RGS7: variants seen among roughly 807,000 people sequenced by gnomAD.
RGS7 encodes the protein regulator of G-protein signaling 7.
A neutral mutation model predicts 81.1 loss-of-function variants in RGS7; 27 were observed. That is an observed-to-expected ratio of 0.33 (90% confidence interval 0.25 to 0.46). The LOEUF is 0.46. RGS7 is among the 20% of genes least tolerant of loss of function. The pLI is 1.00. For synonymous variants in RGS7, 208 were observed against 207.7 expected (o/e 1.00, Z -0.01); for missense variants, 396 against 607.4 (o/e 0.65, Z 3.66).
chr1:240,932,670 A>G lies in RGS7; in HGVS notation c.334-1902T>C, dbSNP rs190352783. Among the ~76,000 whole-genome samples, 790 of 146,604 alleles carry G rather than the reference A, an allele frequency of 5.4e-3. 7 individuals carry two copies. The highest frequency in any genetic ancestry group is 0.018 in the African/African-American group (730 of 39,932). Reference sequence around the variant, plus strand: ...ACTACAGGTGCCCGCCACCACGCCCAGCTGAGTTTTTGTATTTTTAGTAGA... The same window carrying G: ...ACTACAGGTGCCCGCCACCACGCCCGGCTGAGTTTTTGTATTTTTAGTAGA... On this transcript the variant is annotated intron_variant, in intron 5 of 18. Coordinates refer to ENST00000440928, the MANE Select transcript of RGS7 (RefSeq NM_001364886.1).
intron 2 of RGS7, among the ~76,000 whole-genome samples, chr1:241,133,679 G>T (rs1264005369): frequency 6.6e-6 from 1 of 152,128 alleles, no homozygotes; most frequent in African/African-American, 2.4e-5. Flanking sequence ...TACTGAAAGG[G>T]TTTAGAAACA....
chr1:240,961,487 T>A (rs1572011709), intron 4 of RGS7, among the ~76,000 whole-genome samples: 1 of 152,230 alleles, frequency 6.6e-6, no homozygotes. Context: ...AATATGTGCA[T>A]GTTTATTTTC....
chr1:241,165,482 G>A (rs2070120996), intron 2 of RGS7, among the ~76,000 whole-genome samples: 1 of 151,952 alleles, frequency 6.6e-6, no homozygotes, highest in Non-Finnish European at 1.5e-5. Context: ...CCTTTGTAGG[G>A]ACATGGATGA....
At position 240,867,637 on chromosome 1, in the gene RGS7, T is replaced by C. The variant is rs934886037; in HGVS notation, c.609+950A>G. Among the ~76,000 whole-genome samples, 3 of 152,320 alleles carry C rather than the reference T, an allele frequency of 2.0e-5. No individual in the cohort carries two copies. The East Asian group carries it at 5.8e-4, about 29-fold the overall frequency. On this transcript the variant is annotated intron_variant, in intron 9 of 18. Coordinates refer to ENST00000440928, the MANE Select transcript of RGS7 (RefSeq NM_001364886.1). ...ATGTCATTAAAAGTGTGAGCTGATTTGAATTTGAGCCACAGGAAATGAAAG... is the reference window on the plus strand; with the variant it reads ...ATGTCATTAAAAGTGTGAGCTGATTCGAATTTGAGCCACAGGAAATGAAAG...
intron 3 of RGS7, among the ~76,000 whole-genome samples, chr1:241,022,541 G>A (rs948458808): frequency 3.3e-5 from 5 of 152,062 alleles, no homozygotes; most frequent in African/African-American, 4.8e-5. Context: ...TCTATAAACT[G>A]CCTCATCTGG....
chr1:241,167,302 T>A (rs1044335650), intron 2 of RGS7, among the ~76,000 whole-genome samples: 4 of 152,122 alleles, frequency 2.6e-5, no homozygotes, highest in Non-Finnish European at 5.9e-5. Flanking sequence ...GATTGTTGGA[T>A]TTCCTCCAGT....
rs1017699243 is a variant in RGS7 at position 241,117,603 on chromosome 1, G to C, written c.79-18841C>G. ...GTGGAGGGACTTAAGCAGAACTGCA[G>C]CAATGAGAAAACTCCTGGTTAATTT... is the stretch of plus-strand genomic sequence containing the variant. On this transcript the variant is annotated intron_variant, in intron 2 of 18. Coordinates refer to ENST00000440928, the MANE Select transcript of RGS7 (RefSeq NM_001364886.1). 2.4e-4 allele frequency among the ~76,000 whole-genome samples: 37 copies of C among 152,274 alleles called. 1 individual carries two copies. Among genetic ancestry groups the C allele is most frequent in the South Asian group, 4.1e-4 (2 of 4,826 alleles).
intron 6 of RGS7, among the ~76,000 whole-genome samples, chr1:240,930,222 C>CTTTTTTTT (rs10676730): frequency 3.5e-5 from 4 of 113,872 alleles, no homozygotes; most frequent in African/African-American, 1.0e-4. Flanking sequence ...TCTTTTTTAG[C>CTTTTTTTT]TTTTTTTTTT....
intron 2 of RGS7, among the ~76,000 whole-genome samples, chr1:241,113,464 T>C (rs1188058199): frequency 6.6e-6 from 1 of 152,208 alleles, no homozygotes. Flanking sequence ...GAGGACCCTG[T>C]AGAGCTTTAC....
chr1:241,343,442 T>C (rs550987975), intron 2 of RGS7, among the ~76,000 whole-genome samples: 1 of 152,238 alleles, frequency 6.6e-6, no homozygotes, highest in South Asian at 2.1e-4. Context: ...GTTAAATGAA[T>C]GAATAAACAA....
intron 2 of RGS7, among the ~76,000 whole-genome samples, chr1:241,215,422 C>T (rs1010976125): frequency 2.0e-5 from 3 of 152,196 alleles, no homozygotes; most frequent in Admixed American, 6.5e-5. Context: ...CTCTTTCAGC[C>T]TTCTGACTGT....
intron 3 of RGS7, among the ~76,000 whole-genome samples, chr1:241,040,361 G>A (rs78933878): frequency 0.034 from 5,232 of 152,050 alleles, 83 homozygotes; most frequent in Middle Eastern, 0.044. Context: ...CATAGGCATC[G>A]GGTGTTTAAT....
At chr1:241,188,285 TCACA>T (rs59722851) in intron 2 of RGS7, among the ~76,000 whole-genome samples, 54 of 148,146 alleles carry the variant, frequency 3.6e-4, no homozygotes, top group East Asian at 3.0e-3. Flanking sequence ...TCTTTTATCC[TCACA>T]CACACACACA....
chr1:241,010,299 CCA>C (rs2058894796), intron 3 of RGS7, among the ~76,000 whole-genome samples: 1 of 152,196 alleles, frequency 6.6e-6, no homozygotes, highest in Non-Finnish European at 1.5e-5. Context: ...TGGTACCAGT[CCA>C]CAGTCTGGAT....
At chr1:241,065,187 G>A (rs1164376839) in intron 3 of RGS7, among the ~76,000 whole-genome samples, 1 of 137,342 alleles carries the variant, frequency 7.3e-6, no homozygotes, top group Non-Finnish European at 1.5e-5. Context: ...AAGATAATCA[G>A]ATTAAAAGAT....
At chr1:240,814,854 G>T in intron 11 of RGS7, 77 bp from the exon 12 acceptor site, 5 of 916,560 alleles carry the variant, frequency 5.5e-6, no homozygotes, top group South Asian at 5.2e-5. Flanking sequence ...ATGATCAGCT[G>T]GGCAATTCTG....
chr1:240,975,611 T>A (rs1683951561), intron 4 of RGS7, among the ~76,000 whole-genome samples: 1 of 152,148 alleles, frequency 6.6e-6, no homozygotes, highest in African/African-American at 2.4e-5. Flanking sequence ...ATGAGCAAGG[T>A]CATGTCAAGG....
At chr1:240,916,233 T>C (rs1310720383) in intron 6 of RGS7, among the ~76,000 whole-genome samples, 8 of 144,554 alleles carry the variant, frequency 5.5e-5, no homozygotes, top group Non-Finnish European at 1.2e-4. Flanking sequence ...GCCAAGATCA[T>C]GCCATTGCAC....
chr1:241,347,651 A>T (rs76378473), intron 2 of RGS7, among the ~76,000 whole-genome samples: 13,132 of 152,182 alleles, frequency 0.086, 791 homozygotes, highest in South Asian at 0.24. Context: ...ACATCAGCAA[A>T]TCATCTGAGG....
Sources: gnomAD v4.1 joint callset for allele counts (sites outside exome capture counted in the v4.1 genomes callset) on GRCh38, gnomAD v4.1.1 for gene constraint, MANE v1.5 for transcripts, NCBI Gene and HGNC (gene_info 2026-07-23, HGNC 2026-07-21) for gene names.